PRR16: variants seen among roughly 807,000 people sequenced by gnomAD.
PRR16 encodes proline rich 16, also known as protein Largen.
Under a neutral mutation model 18.2 loss-of-function variants are expected in PRR16, and 6 were observed. The ratio of observed to expected loss-of-function variants is 0.33; its 90% CI spans 0.18 to 0.65. PRR16 has a LOEUF of 0.65. Among genes scored for constraint, PRR16 ranks in the 30% least tolerant of loss-of-function variants. The pLI, the probability that PRR16 is intolerant of heterozygous loss-of-function variation, is 0.74. For missense variants in PRR16, 412 were observed against 376.6 expected (o/e 1.09, Z -0.78); for synonymous variants, 151 against 147.8 (o/e 1.02, Z -0.16).
intron 1 of PRR16, among the ~76,000 whole-genome samples, chr5:120,495,968 T>C (rs1416436189): frequency 6.6e-6 from 1 of 152,002 alleles, no homozygotes; most frequent in East Asian, 1.9e-4. Context: ...AGATGCTCTG[T>C]GTCAACTTAA....
chr5:120,604,680 G>T (rs1017707755), intron 1 of PRR16, among the ~76,000 whole-genome samples: 1 of 151,980 alleles, frequency 6.6e-6, no homozygotes, highest in Non-Finnish European at 1.5e-5. Context: ...TGTGGTGGAA[G>T]TTTCTGTGTT....
chr5:120,642,791 T>C (rs1365916011), intron 1 of PRR16, among the ~76,000 whole-genome samples: 1 of 152,036 alleles, frequency 6.6e-6, no homozygotes, highest in Non-Finnish European at 1.5e-5. Flanking sequence ...TGCCCACCCA[T>C]AGGCACACGA....
At chr5:120,653,264 T>A (rs554028452) in intron 1 of PRR16, among the ~76,000 whole-genome samples, 5 of 151,946 alleles carry the variant, frequency 3.3e-5, no homozygotes, top group African/African-American at 1.2e-4. Context: ...TAATTATGAT[T>A]TTTATATTTG....
At chr5:120,573,857 C>T (rs532445163) in intron 1 of PRR16, among the ~76,000 whole-genome samples, 53 of 150,064 alleles carry the variant, frequency 3.5e-4, no homozygotes, top group Middle Eastern at 3.6e-3. Flanking sequence ...AGTATAAAGG[C>T]GAATTTATAT....
At chr5:120,769,745 A>G in the PRR16 span, among the ~76,000 whole-genome samples, 1 of 151,864 alleles carries the variant, frequency 6.6e-6, no homozygotes, top group East Asian at 1.9e-4. Context: ...TTGCTGGATT[A>G]TATGGTAGTC....
chr5:120,635,687 C>T (rs1219015381), intron 1 of PRR16, among the ~76,000 whole-genome samples: 3 of 152,070 alleles, frequency 2.0e-5, no homozygotes, highest in South Asian at 2.1e-4. Context: ...AAGTTAAAAG[C>T]ATTTCTGCTG....
At chr5:120,661,974 G>A (rs1459580716) in intron 1 of PRR16, among the ~76,000 whole-genome samples, 1 of 152,002 alleles carries the variant, frequency 6.6e-6, no homozygotes, top group African/African-American at 2.4e-5. Context: ...TGTGGGCTGG[G>A]GTATCCACAT....
intron 1 of PRR16, among the ~76,000 whole-genome samples, chr5:120,609,030 T>A (rs1289421809): frequency 1.3e-5 from 2 of 152,150 alleles, no homozygotes; most frequent in Non-Finnish European, 2.9e-5. Context: ...TTATTCATCC[T>A]AAAATGACCA....
chr5:120,788,842 G>T, the PRR16 span, among the ~76,000 whole-genome samples: 2 of 152,018 alleles, frequency 1.3e-5, no homozygotes, highest in South Asian at 2.1e-4. Context: ...CAGAGTTACT[G>T]ATTTTTTTTC....
chr5:120,711,784 A>G, the PRR16 span, among the ~76,000 whole-genome samples: 2 of 152,150 alleles, frequency 1.3e-5, no homozygotes, highest in African/African-American at 4.8e-5. Flanking sequence ...CTAAGCCAAG[A>G]ATGACCTTCT....
the PRR16 span, among the ~76,000 whole-genome samples, chr5:120,785,416 T>G: frequency 1.3e-5 from 2 of 152,038 alleles, no homozygotes; most frequent in Admixed American, 1.3e-4. Flanking sequence ...CTTATTTCAG[T>G]GGGAAAGCTT....
chr5:120,587,345 T>C (rs1478627513), intron 1 of PRR16, among the ~76,000 whole-genome samples: 2 of 152,214 alleles, frequency 1.3e-5, no homozygotes, highest in Non-Finnish European at 2.9e-5. Flanking sequence ...ACAATGAAGA[T>C]GAAATAGCTT....
chr5:120,694,372 GA>G, the PRR16 span, among the ~76,000 whole-genome samples: 2 of 152,146 alleles, frequency 1.3e-5, no homozygotes, highest in Non-Finnish European at 2.9e-5. Context: ...TTGTGAATTA[GA>G]AAGTCGGCAA....
chr5:120,700,021 G>T, the PRR16 span, among the ~76,000 whole-genome samples: 1 of 152,182 alleles, frequency 6.6e-6, no homozygotes, highest in South Asian at 2.1e-4. Context: ...TAGTGAAAGC[G>T]AAGAGAGGCT....
the PRR16 span, among the ~76,000 whole-genome samples, chr5:120,710,339 G>A: frequency 6.6e-6 from 1 of 152,054 alleles, no homozygotes; most frequent in African/African-American, 2.4e-5. Flanking sequence ...GAAAGGGGAG[G>A]ATCTCGAAGT....
At chr5:120,668,930 C>A (rs1756494062) in intron 1 of PRR16, among the ~76,000 whole-genome samples, 1 of 151,966 alleles carries the variant, frequency 6.6e-6, no homozygotes, top group Non-Finnish European at 1.5e-5. Context: ...GCGTCCGCAT[C>A]AAATAAATGT....
At chr5:120,594,669 A>G (rs964263403) in intron 1 of PRR16, among the ~76,000 whole-genome samples, 4 of 152,126 alleles carry the variant, frequency 2.6e-5, no homozygotes, top group Admixed American at 2.0e-4. Flanking sequence ...AAGCAAAAAG[A>G]ACAAAGCTGG....
chr5:120,736,036 G>A, the PRR16 span, among the ~76,000 whole-genome samples: 1 of 152,108 alleles, frequency 6.6e-6, no homozygotes, highest in African/African-American at 2.4e-5. Flanking sequence ...TTTGGATGTG[G>A]ATACTCAATT....
At chr5:120,592,418 A>G (rs1288723970) in intron 1 of PRR16, among the ~76,000 whole-genome samples, 1 of 152,178 alleles carries the variant, frequency 6.6e-6, no homozygotes, top group Non-Finnish European at 1.5e-5. Flanking sequence ...TCTGGACAAC[A>G]TAATTTTGGT....
Sources: allele counts gnomAD v4.1 joint callset (sites outside exome capture counted in the v4.1 genomes callset), GRCh38; gene constraint gnomAD v4.1.1; transcripts MANE v1.5; gene names NCBI Gene and HGNC (gene_info 2026-07-23, HGNC 2026-07-21).